TENM3: variants seen among roughly 807,000 people sequenced by gnomAD.
The protein encoded by TENM3 is teneurin transmembrane protein 3.
A neutral mutation model predicts 255.1 loss-of-function variants in TENM3; 63 were observed. The ratio of observed to expected loss-of-function variants is 0.25; its 90% CI spans 0.20 to 0.30. TENM3 has a LOEUF of 0.30. Among genes scored for constraint, TENM3 ranks in the 10% least tolerant of loss-of-function variants. The pLI is 1.00. For missense variants in TENM3, 2,929 were observed against 3,461.1 expected, an observed-to-expected ratio of 0.85 and a Z score of 3.86; for synonymous variants, 1,306 against 1,322.3, an observed-to-expected ratio of 0.99 and a Z score of 0.27.
At chr4:182,522,533 G>A (rs1188010542) in intron 3 of TENM3, among the ~76,000 whole-genome samples, 2 of 152,108 alleles carry the variant, frequency 1.3e-5, no homozygotes, top group Non-Finnish European at 2.9e-5. Context: ...TTATGGCTGA[G>A]TAATATTCCA....
chr4:182,316,007 T>G (rs1302258142), intron 1 of TENM3, among the ~76,000 whole-genome samples: 1 of 152,214 alleles, frequency 6.6e-6, no homozygotes, highest in African/African-American at 2.4e-5. Context: ...ATAACCATTT[T>G]CATGTCCTTC....
intron 3 of TENM3, among the ~76,000 whole-genome samples, chr4:182,472,492 G>C (rs1055443239): frequency 6.6e-6 from 1 of 152,144 alleles, no homozygotes; most frequent in Non-Finnish European, 1.5e-5. Flanking sequence ...AACAGAAAAT[G>C]TGGCTTGGAT....
chr4:181,939,206 T>C, the TENM3 span, among the ~76,000 whole-genome samples: 2 of 152,206 alleles, frequency 1.3e-5, no homozygotes, highest in Admixed American at 1.3e-4. Flanking sequence ...TTCTATACAC[T>C]TTCTAGAATT....
the TENM3 span, among the ~76,000 whole-genome samples, chr4:181,719,036 C>T: frequency 6.6e-6 from 1 of 151,480 alleles, no homozygotes; most frequent in African/African-American, 2.4e-5. Flanking sequence ...GAAACCCCGT[C>T]TCTACTAAAA....
the TENM3 span, among the ~76,000 whole-genome samples, chr4:181,625,882 A>G: frequency 2.6e-5 from 4 of 152,074 alleles, no homozygotes; most frequent in African/African-American, 9.7e-5. Context: ...GTCAAAGTAG[A>G]GTGGGAATAA....
At chr4:181,883,409 A>C in the TENM3 span, among the ~76,000 whole-genome samples, 1 of 152,144 alleles carries the variant, frequency 6.6e-6, no homozygotes, top group Admixed American at 6.5e-5. Context: ...TGATCCAGGT[A>C]TTTTTATGTT....
At chr4:182,139,808 G>C (rs1456111767), upstream of TENM3, among the ~76,000 whole-genome samples, 2 of 152,218 alleles carry the variant, frequency 1.3e-5, no homozygotes, top group Non-Finnish European at 2.9e-5. Flanking sequence ...CATTTCCACC[G>C]AAGGTCGGAG....
At chr4:182,787,076 T>C (rs1480161495) in intron 24 of TENM3, among the ~76,000 whole-genome samples, 1 of 151,088 alleles carries the variant, frequency 6.6e-6, no homozygotes, top group Non-Finnish European at 1.5e-5. Context: ...GGTAGCTTCT[T>C]TCCAAGGTAC....
the TENM3 span, among the ~76,000 whole-genome samples, chr4:181,618,763 A>C: frequency 6.6e-6 from 1 of 152,200 alleles, no homozygotes; most frequent in Admixed American, 6.5e-5. Flanking sequence ...ATCTTACAAC[A>C]CGAAATTGAT....
chr4:182,143,074 A>G (rs1749589899), upstream of TENM3: 1 of 167,304 alleles, frequency 6.0e-6, no homozygotes, highest in African/African-American at 2.4e-5. The surrounding 1 kb of genome is among the most constrained non-coding windows in gnomAD (Gnocchi z 4.3). Flanking sequence ...TGGGAGGAGC[A>G]GCAAACTTTT....
chr4:182,323,825 A>T, intron 1 of TENM3, 121 bp from the exon 2 acceptor site: 1 of 592,476 alleles, frequency 1.7e-6, no homozygotes, highest in Non-Finnish European at 3.0e-6. Context: ...TCTTGTTGAA[A>T]GCAAGTTTCC....
intron 24 of TENM3, among the ~76,000 whole-genome samples, chr4:182,778,731 G>C (rs1764898106): frequency 6.6e-6 from 1 of 151,900 alleles, no homozygotes. Context: ...CAATCATGCT[G>C]GACATGATCT....
intron 25 of TENM3, among the ~76,000 whole-genome samples, chr4:182,790,052 G>C (rs919908914): frequency 1.3e-5 from 2 of 152,066 alleles, no homozygotes; most frequent in East Asian, 3.9e-4. Flanking sequence ...GTATTGACTG[G>C]GGTCAGAGGA....
chr4:181,454,691 T>TTTTTTTTTTTTACCATTTTTATA, the TENM3 span, among the ~76,000 whole-genome samples: 1 of 150,238 alleles, frequency 6.7e-6, no homozygotes, highest in Admixed American at 6.6e-5. Context: ...ACTTTTTTTT[T>TTTTTTTTTTTTACCATTTTTATA]CTGGTGTGCC....
chr4:181,453,754 A>G, the TENM3 span, among the ~76,000 whole-genome samples: 2 of 152,138 alleles, frequency 1.3e-5, no homozygotes, highest in African/African-American at 4.8e-5. Context: ...CACTCCAACC[A>G]ATAACCTCCG....
the TENM3 span, among the ~76,000 whole-genome samples, chr4:181,904,713 C>G: frequency 6.6e-6 from 1 of 152,278 alleles, no homozygotes; most frequent in African/African-American, 2.4e-5. Context: ...TCACTGCATC[C>G]AGGTCCCTGC....
intron 6 of TENM3, among the ~76,000 whole-genome samples, chr4:182,663,809 AC>A (rs35542232): frequency 0.24 from 36,369 of 152,032 alleles, 4,608 homozygotes; most frequent in Admixed American, 0.38. Context: ...CAGTTCTATC[AC>A]ATTTCTCATA....
At chr4:181,734,282 G>A in the TENM3 span, among the ~76,000 whole-genome samples, 1 of 152,022 alleles carries the variant, frequency 6.6e-6, no homozygotes, top group African/African-American at 2.4e-5. Flanking sequence ...GAAGCTTAAT[G>A]AGGGCAGGGT....
At chr4:181,995,908 T>G in the TENM3 span, among the ~76,000 whole-genome samples, 1 of 152,254 alleles carries the variant, frequency 6.6e-6, no homozygotes, top group African/African-American at 2.4e-5. Flanking sequence ...AGGTCCCAGA[T>G]GTCTCACTCA....
Sources: gnomAD v4.1 joint callset for allele counts (sites outside exome capture counted in the v4.1 genomes callset) on GRCh38, gnomAD v4.1.1 for gene constraint, Gnocchi (gnomAD v3.1) non-coding constraint, MANE v1.5 for transcripts, NCBI Gene and HGNC (gene_info 2026-07-23, HGNC 2026-07-21) for gene names.